The following NPAS3 variants were observed in gnomAD, a reference collection of about 807,000 sequenced individuals.
NPAS3 encodes neuronal PAS domain-containing protein 3.
NPAS3 carries 14 observed loss-of-function variants against 73.1 expected under a neutral mutation model. That is an observed-to-expected ratio of 0.19 (90% CI 0.13 to 0.30). NPAS3 has a LOEUF of 0.30. Ranked by LOEUF, NPAS3 falls within the 10% of genes least tolerant of loss-of-function variation. The probability of loss-of-function intolerance (pLI) is 1.00; values close to 1 mark genes in which losing one functional copy is unlikely to be tolerated. For synonymous variants in NPAS3, 620 were observed against 541.5 expected (o/e 1.14, Z -2.01); for missense variants, 1,096 against 1,250.0 (o/e 0.88, Z 1.86).
At chr14:33,060,501 AG>A (rs1335346768) in intron 2 of NPAS3, among the ~76,000 whole-genome samples, 2 of 152,212 alleles carry the variant, frequency 1.3e-5, no homozygotes, top group African/African-American at 4.8e-5. Context: ...CTGATTGAGA[AG>A]GTGTTTGTAA....
intron 2 of NPAS3, among the ~76,000 whole-genome samples, chr14:33,138,801 TTGAG>T: frequency 1.3e-5 from 2 of 152,288 alleles, no homozygotes; most frequent in Middle Eastern, 6.8e-3. Flanking sequence ...CGGGGCTTCT[TTGAG>T]TGATAGGGTT....
intron 1 of NPAS3, among the ~76,000 whole-genome samples, chr14:32,993,173 T>C (rs1264137062): frequency 7.1e-6 from 1 of 141,370 alleles, no homozygotes; most frequent in Non-Finnish European, 1.5e-5. Context: ...AAAGGGAAAA[T>C]GGTGGTCTCT....
chr14:33,054,616 T>A (rs1185969478), intron 1 of NPAS3, among the ~76,000 whole-genome samples: 2 of 1,412 alleles, frequency 1.4e-3, no homozygotes, highest in African/African-American at 0.056. Context: ...TTATCTGAGT[T>A]TTTTTTTTTT....
chr14:33,712,378 T>C lies in NPAS3; in HGVS notation c.734-22836T>C, dbSNP rs371588074. Among the ~76,000 whole-genome samples, 42 of 152,284 alleles carry C rather than the reference T, an allele frequency of 2.8e-4. 1 individual carries two copies. In the South Asian group the frequency reaches 8.7e-3, roughly 32 times the overall value. ...AAGTGGCATCTGCTATGAATGATAT[T>C]AGCTGTCCACACAAGCAAATAAGAT... On this transcript the variant is annotated intron_variant, in intron 6 of 11. Transcript: ENST00000356141.
intron 4 of NPAS3, among the ~76,000 whole-genome samples, chr14:33,444,239 T>A (rs908649537): frequency 6.6e-6 from 1 of 152,166 alleles, no homozygotes; most frequent in Non-Finnish European, 1.5e-5. Flanking sequence ...ATGACCACAG[T>A]TGCAGTGTTA....
intron 5 of NPAS3, among the ~76,000 whole-genome samples, chr14:33,666,877 A>G (rs1483864993): frequency 6.6e-6 from 1 of 152,130 alleles, no homozygotes; most frequent in African/African-American, 2.4e-5. Context: ...GTTATCTTTT[A>G]CTATCTTATA....
chr14:33,684,792 A>C (rs2060041875), intron 6 of NPAS3, among the ~76,000 whole-genome samples: 1 of 152,208 alleles, frequency 6.6e-6, no homozygotes, highest in African/African-American at 2.4e-5. Context: ...ACTGGGCCAG[A>C]TTCCGTGCAG....
At chr14:33,786,395 ATGTT>A (rs148598841) in intron 9 of NPAS3, among the ~76,000 whole-genome samples, 2,165 of 152,280 alleles carry the variant, frequency 0.014, 49 homozygotes, top group African/African-American at 0.047. Context: ...CTTTTTAAAG[ATGTT>A]TGTTTAGTGG....
At chr14:33,535,409 C>G (rs2054218477) in intron 4 of NPAS3, among the ~76,000 whole-genome samples, 1 of 152,164 alleles carries the variant, frequency 6.6e-6, no homozygotes, top group Non-Finnish European at 1.5e-5. Flanking sequence ...GCAAATGTGG[C>G]AAACCTTTTG....
At chr14:33,461,223 A>G (rs1438263054) in intron 4 of NPAS3, among the ~76,000 whole-genome samples, 1 of 152,166 alleles carries the variant, frequency 6.6e-6, no homozygotes, top group Non-Finnish European at 1.5e-5. Flanking sequence ...CCTTGCCTTT[A>G]GGAATTCAGT....
At chr14:33,257,787 G>A (rs1044481772) in intron 3 of NPAS3, among the ~76,000 whole-genome samples, 2 of 152,030 alleles carry the variant, frequency 1.3e-5, no homozygotes, top group Non-Finnish European at 2.9e-5. Context: ...AAGAATAACT[G>A]TGCCTTTTTG....
At chr14:33,715,518 C>G (rs2060933009) in intron 6 of NPAS3, among the ~76,000 whole-genome samples, 1 of 152,108 alleles carries the variant, frequency 6.6e-6, no homozygotes, top group Admixed American at 6.6e-5. Flanking sequence ...TGGGAGGTCG[C>G]TTACTCTCCC....
chr14:33,223,099 C>G (rs1262500518), intron 3 of NPAS3, among the ~76,000 whole-genome samples: 1 of 152,096 alleles, frequency 6.6e-6, no homozygotes, highest in African/African-American at 2.4e-5. Context: ...CACCTGAGAT[C>G]AGGAGTTCGA....
At chr14:33,394,900 A>C (rs1373457151) in intron 4 of NPAS3, among the ~76,000 whole-genome samples, 2 of 152,174 alleles carry the variant, frequency 1.3e-5, no homozygotes, top group African/African-American at 4.8e-5. Flanking sequence ...TAAAATATGC[A>C]CTCAGGTAAA....
At chr14:33,162,132 A>G (rs2044914489) in intron 2 of NPAS3, among the ~76,000 whole-genome samples, 1 of 152,242 alleles carries the variant, frequency 6.6e-6, no homozygotes, top group East Asian at 1.9e-4. Context: ...GCATTTCCTT[A>G]TGTACCTGCT....
intron 4 of NPAS3, among the ~76,000 whole-genome samples, chr14:33,474,642 A>T (rs1412099860): frequency 6.6e-6 from 1 of 152,142 alleles, no homozygotes; most frequent in African/African-American, 2.4e-5. Flanking sequence ...ATGAGAGCTC[A>T]TACCATGACC....
At chr14:32,968,498 TTAAC>T (rs2037280690) in intron 1 of NPAS3, among the ~76,000 whole-genome samples, 1 of 152,214 alleles carries the variant, frequency 6.6e-6, no homozygotes, top group African/African-American at 2.4e-5. Flanking sequence ...ATGTCGAAAT[TTAAC>T]TATATCAATG....
upstream of NPAS3, among the ~76,000 whole-genome samples, chr14:32,936,246 T>C (rs893647806): frequency 6.6e-6 from 1 of 152,016 alleles, no homozygotes; most frequent in African/African-American, 2.4e-5. Context: ...CAAGTTGATG[T>C]CCAGTATTCC....
intron 2 of NPAS3, among the ~76,000 whole-genome samples, chr14:33,088,283 C>A (rs2042103457): frequency 6.6e-6 from 1 of 152,234 alleles, no homozygotes; most frequent in Non-Finnish European, 1.5e-5. Flanking sequence ...AATTCCCTTT[C>A]CTAGCCAAGG....
Sources: allele counts gnomAD v4.1 joint callset (sites outside exome capture counted in the v4.1 genomes callset), GRCh38; gene constraint gnomAD v4.1.1; transcripts MANE v1.5; gene names NCBI Gene and HGNC (gene_info 2026-07-23, HGNC 2026-07-21).